CSMD3: variants seen among roughly 807,000 people sequenced by gnomAD.
The protein encoded by CSMD3 is CUB and sushi domain-containing protein 3.
CSMD3 carries 177 observed loss-of-function variants against 435.2 expected under a neutral mutation model. That is an observed-to-expected ratio of 0.41 (90% CI 0.36 to 0.46). CSMD3 has a LOEUF of 0.46. Ranked by LOEUF, CSMD3 falls within the 20% of genes least tolerant of loss-of-function variation. CSMD3 has a pLI of 0.34. For synonymous variants in CSMD3, 1,656 were observed against 1,520.5 expected (o/e 1.09, Z -2.07); for missense variants, 4,265 against 4,504.6 (o/e 0.95, Z 1.52).
At chr8:113,332,838 A>C (rs754494272) in intron 1 of CSMD3, among the ~76,000 whole-genome samples, 1 of 151,656 alleles carries the variant, frequency 6.6e-6, no homozygotes, top group Non-Finnish European at 1.5e-5. Flanking sequence ...AACAATTTGG[A>C]AAAAAAATTA....
At chr8:112,736,842 G>C (rs1402034249) in intron 13 of CSMD3, among the ~76,000 whole-genome samples, 3 of 151,876 alleles carry the variant, frequency 2.0e-5, no homozygotes, top group Non-Finnish European at 2.9e-5. Context: ...AGGGAACAAT[G>C]GGAGAAAATC....
chr8:113,029,654 C>A (rs538249108), intron 5 of CSMD3, among the ~76,000 whole-genome samples: 3 of 151,542 alleles, frequency 2.0e-5, no homozygotes, highest in Admixed American at 2.0e-4. Flanking sequence ...CTATGAAACA[C>A]CCACAGCCAA....
chr8:112,548,558 A>G (rs1310006116), intron 27 of CSMD3, among the ~76,000 whole-genome samples: 1 of 152,146 alleles, frequency 6.6e-6, no homozygotes, highest in African/African-American at 2.4e-5. Flanking sequence ...GACTTTCTGA[A>G]CATTAATGTA....
At chr8:113,332,071 T>C (rs2094031897) in intron 1 of CSMD3, among the ~76,000 whole-genome samples, 1 of 151,708 alleles carries the variant, frequency 6.6e-6, no homozygotes, top group South Asian at 2.1e-4. Context: ...ATAAAGTAAA[T>C]ATTGCAACAA....
intron 4 of CSMD3, among the ~76,000 whole-genome samples, chr8:113,155,253 T>C (rs569618262): frequency 6.2e-4 from 94 of 152,160 alleles, no homozygotes; most frequent in Non-Finnish European, 8.2e-4. Flanking sequence ...TGTTAGTACT[T>C]GATCCAGGAA....
intron 9 of CSMD3, among the ~76,000 whole-genome samples, chr8:112,938,313 C>A (rs1399611836): frequency 6.6e-6 from 1 of 152,146 alleles, no homozygotes; most frequent in Non-Finnish European, 1.5e-5. Context: ...TCTCTTTATT[C>A]TTCCAACATA....
At chr8:112,894,558 T>C (rs2081895471) in intron 10 of CSMD3, among the ~76,000 whole-genome samples, 1 of 151,416 alleles carries the variant, frequency 6.6e-6, no homozygotes, top group Admixed American at 6.6e-5. Flanking sequence ...ATGAAATTAA[T>C]AATTGACACA....
chr8:112,521,547 T>A (rs902959607), intron 27 of CSMD3, among the ~76,000 whole-genome samples: 1 of 151,948 alleles, frequency 6.6e-6, no homozygotes, highest in Admixed American at 6.6e-5. Context: ...GATAACCTAA[T>A]GACTGAGGGC....
At chr8:112,916,485 T>C (rs1209915153) in intron 10 of CSMD3, among the ~76,000 whole-genome samples, 2 of 151,812 alleles carry the variant, frequency 1.3e-5, no homozygotes, top group East Asian at 1.9e-4. Context: ...CTAAGAAATA[T>C]GAATGTGTGA....
chr8:112,885,147 T>C (rs1022526465), intron 10 of CSMD3, among the ~76,000 whole-genome samples: 1 of 151,770 alleles, frequency 6.6e-6, no homozygotes, highest in Non-Finnish European at 1.5e-5. Flanking sequence ...TATTCCTGAC[T>C]GGTCCTTGAT....
intron 36 of CSMD3, among the ~76,000 whole-genome samples, chr8:112,387,809 G>A (rs962794302): frequency 2.6e-5 from 4 of 152,074 alleles, no homozygotes; most frequent in South Asian, 4.1e-4. Flanking sequence ...TTAGTAGTTC[G>A]TTATGCCTGC....
At position 113,351,193 on chromosome 8, in the gene CSMD3, G is replaced by A. The variant is rs187810593; in HGVS notation, c.179-36400C>T. 2.4e-4 allele frequency among the ~76,000 whole-genome samples: 36 copies of A among 152,172 alleles called. 1 individual carries two copies. The highest frequency in any genetic ancestry group is 3.9e-4 in the Admixed American group (6 of 15,254). On this transcript the variant is annotated intron_variant, in intron 1 of 70. Transcript: ENST00000297405. The stretch of plus-strand genomic sequence containing the variant: ...AAACTGAGTGTTTGTTGGATAAGTG[G>A]ATAAATGATAGATGAAATGGAAACT...
At chr8:113,085,295 G>A (rs572782860) in intron 5 of CSMD3, among the ~76,000 whole-genome samples, 17 of 151,614 alleles carry the variant, frequency 1.1e-4, no homozygotes, top group African/African-American at 4.1e-4. Context: ...GATCTAAATA[G>A]GTGCTTGAGA....
At chr8:113,333,307 T>G (rs532778354) in intron 1 of CSMD3, among the ~76,000 whole-genome samples, 1 of 151,904 alleles carries the variant, frequency 6.6e-6, no homozygotes, top group African/African-American at 2.4e-5. Context: ...CATCACTTTG[T>G]CCTGTTATGG....
At chr8:113,301,582 T>C (rs749041506) in intron 2 of CSMD3, among the ~76,000 whole-genome samples, 42 of 152,088 alleles carry the variant, frequency 2.8e-4, no homozygotes, top group Non-Finnish European at 5.2e-4. Context: ...AGGGTCTATA[T>C]TCTATACATT....
chr8:112,486,316 T>C (rs1369543537), intron 31 of CSMD3, among the ~76,000 whole-genome samples: 1 of 152,086 alleles, frequency 6.6e-6, no homozygotes, highest in Non-Finnish European at 1.5e-5. Flanking sequence ...AGTCTACCTA[T>C]AGGGCAGTGA....
chr8:112,384,483 G>A (rs566018558), intron 36 of CSMD3, among the ~76,000 whole-genome samples: 1 of 152,270 alleles, frequency 6.6e-6, no homozygotes, highest in Non-Finnish European at 1.5e-5. Flanking sequence ...CACAACTACG[G>A]ATGCTACCTA....
At chr8:113,356,647 A>C (rs1428096609) in intron 1 of CSMD3, among the ~76,000 whole-genome samples, 2 of 152,154 alleles carry the variant, frequency 1.3e-5, no homozygotes, top group Non-Finnish European at 2.9e-5. Flanking sequence ...AACACAACAA[A>C]TGTCAAAAAA....
At chr8:113,040,374 G>A (rs995183415) in intron 5 of CSMD3, among the ~76,000 whole-genome samples, 2 of 152,142 alleles carry the variant, frequency 1.3e-5, no homozygotes, top group Admixed American at 1.3e-4. Flanking sequence ...TTTAGTAGAG[G>A]AATATCATGT....
Sources: gnomAD v4.1 joint callset for allele counts (sites outside exome capture counted in the v4.1 genomes callset) on GRCh38, gnomAD v4.1.1 for gene constraint, MANE v1.5 for transcripts, NCBI Gene and HGNC (gene_info 2026-07-23, HGNC 2026-07-21) for gene names.